The following NEK11 variants were observed in gnomAD, a reference collection of about 807,000 sequenced individuals.
The protein encoded by NEK11 is NIMA related kinase 11.
Under a neutral mutation model 80.7 loss-of-function variants are expected in NEK11, and 72 were observed. That is an observed-to-expected ratio of 0.89 (90% CI 0.74 to 1.08). NEK11 has a LOEUF of 1.08. Ranked by LOEUF, NEK11 falls within the 50% of genes least tolerant of loss-of-function variation. NEK11 has a pLI of 0.00. For missense variants in NEK11, 764 were observed against 763.6 expected (o/e 1.00, Z -0.01); for synonymous variants, 251 against 260.7 (o/e 0.96, Z 0.36).
intron 17 of NEK11, among the ~76,000 whole-genome samples, chr3:131,289,459 G>A (rs1198659966): frequency 6.6e-6 from 1 of 152,176 alleles, no homozygotes; most frequent in Non-Finnish European, 1.5e-5. Context: ...CTTTCTTACA[G>A]GCCCTTTTCT....
chr3:131,192,087 C>T (rs1360574996), intron 14 of NEK11, among the ~76,000 whole-genome samples: 1 of 152,026 alleles, frequency 6.6e-6, no homozygotes, highest in Non-Finnish European at 1.5e-5. Context: ...CTCTTGAAAA[C>T]AACAACAAAT....
chr3:131,098,372 T>C (rs1262050390), intron 4 of NEK11, among the ~76,000 whole-genome samples: 1 of 152,192 alleles, frequency 6.6e-6, no homozygotes, highest in East Asian at 1.9e-4. Flanking sequence ...ACAGGCAACC[T>C]ACAAAATTGG....
chr3:131,255,180 A>T (rs2095794740), intron 16 of NEK11, among the ~76,000 whole-genome samples: 1 of 152,296 alleles, frequency 6.6e-6, no homozygotes, highest in East Asian at 1.9e-4. Flanking sequence ...AAGTTTGTAG[A>T]TTACCTTGGC....
At chr3:131,177,740 A>G (rs2093115142) in intron 14 of NEK11, among the ~76,000 whole-genome samples, 1 of 152,202 alleles carries the variant, frequency 6.6e-6, no homozygotes, top group Non-Finnish European at 1.5e-5. Context: ...AGTCTTTGGA[A>G]AGCACTTTAA....
intron 17 of NEK11, among the ~76,000 whole-genome samples, chr3:131,275,862 A>G (rs1382471881): frequency 6.6e-6 from 1 of 152,246 alleles, no homozygotes; most frequent in African/African-American, 2.4e-5. Context: ...ATGTAGAGAA[A>G]ACACAAAACT....
intron 17 of NEK11, among the ~76,000 whole-genome samples, chr3:131,304,746 G>A (rs1280706582): frequency 1.3e-5 from 2 of 152,114 alleles, no homozygotes; most frequent in Non-Finnish European, 2.9e-5. Flanking sequence ...TGCACTAGGG[G>A]GGTGTTGAGG....
chr3:131,077,235 C>G (rs2074504166), intron 3 of NEK11, among the ~76,000 whole-genome samples: 1 of 152,084 alleles, frequency 6.6e-6, no homozygotes, highest in Non-Finnish European at 1.5e-5. Context: ...GGAGGGGTGA[C>G]AGGCTGGAAT....
At chr3:131,329,221 G>C (rs532170767) in intron 17 of NEK11, 3 of 152,232 alleles carry the variant, frequency 2.0e-5, no homozygotes, top group South Asian at 4.1e-4. Flanking sequence ...CTTGTTTGGA[G>C]TTTTATCTTG....
At chr3:131,338,156 G>A (rs976823201) in intron 17 of NEK11, among the ~76,000 whole-genome samples, 17 of 151,808 alleles carry the variant, frequency 1.1e-4, no homozygotes, top group Admixed American at 9.2e-4. Context: ...TAGTAGAGAC[G>A]GGGTTTCACC....
At chr3:131,325,617 A>G (rs1380777457) in intron 17 of NEK11, 1 of 152,228 alleles carries the variant, frequency 6.6e-6, no homozygotes. Context: ...GATAATCATA[A>G]AAAGAGATTG....
intron 14 of NEK11, among the ~76,000 whole-genome samples, chr3:131,171,753 G>C (rs904287543): frequency 1.7e-4 from 26 of 152,144 alleles, no homozygotes; most frequent in African/African-American, 6.0e-4. Flanking sequence ...GAGCAGAGGA[G>C]GGTTATCAAT....
At chr3:131,211,238 G>A (rs1313982596) in intron 14 of NEK11, among the ~76,000 whole-genome samples, 3 of 152,130 alleles carry the variant, frequency 2.0e-5, no homozygotes, top group Admixed American at 2.0e-4. Context: ...GTGAAGCTTA[G>A]TTTGGCTGGA....
chr3:131,328,208 TAAGCCTGG>T (rs1440050914), intron 17 of NEK11, among the ~76,000 whole-genome samples: 4 of 152,018 alleles, frequency 2.6e-5, no homozygotes, highest in Non-Finnish European at 5.9e-5. Context: ...GAGGATCACT[TAAGCCTGG>T]GAGGTCGAGG....
At chr3:131,108,175 T>C (rs891904489) in intron 4 of NEK11, among the ~76,000 whole-genome samples, 1 of 152,048 alleles carries the variant, frequency 6.6e-6, no homozygotes, top group African/African-American at 2.4e-5. Context: ...GGAGAGAAAA[T>C]GCTAAGCAAA....
chr3:131,316,137 T>C (rs1380053115), intron 17 of NEK11, among the ~76,000 whole-genome samples: 1 of 152,156 alleles, frequency 6.6e-6, no homozygotes, highest in Non-Finnish European at 1.5e-5. Context: ...CCTAATTTTC[T>C]GAAAAAGGAA....
At chr3:131,039,678 A>G (rs2066166949) in intron 3 of NEK11, among the ~76,000 whole-genome samples, 1 of 152,194 alleles carries the variant, frequency 6.6e-6, no homozygotes, top group Non-Finnish European at 1.5e-5. Flanking sequence ...TTGTGATATC[A>G]TCCACCCTTA....
At chr3:131,133,245 GT>G (rs1560566067) in intron 6 of NEK11, 2 of 455,062 alleles carry the variant, frequency 4.4e-6, no homozygotes, top group South Asian at 3.1e-5. Context: ...TTAACCTTTA[GT>G]TCTTCAGAAC....
chr3:131,191,994 T>C (rs944914867), intron 14 of NEK11, among the ~76,000 whole-genome samples: 2 of 152,084 alleles, frequency 1.3e-5, no homozygotes, highest in African/African-American at 2.4e-5. Context: ...ATCAACATAG[T>C]AAAGTGGCAA....
At chr3:131,158,753 A>G (rs895922445) in intron 10 of NEK11, among the ~76,000 whole-genome samples, 12 of 151,892 alleles carry the variant, frequency 7.9e-5, no homozygotes, top group African/African-American at 2.9e-4. Flanking sequence ...ACCTGCTAGC[A>G]CCCTTCCACA....
Sources: gnomAD v4.1 joint callset for allele counts (sites outside exome capture counted in the v4.1 genomes callset) on GRCh38, gnomAD v4.1.1 for gene constraint, MANE v1.5 for transcripts, NCBI Gene and HGNC (gene_info 2026-07-23, HGNC 2026-07-21) for gene names.